The following SYT14 variants were observed in gnomAD, a reference collection of about 807,000 sequenced individuals.
SYT14 encodes the protein synaptotagmin-14.
SYT14 carries 32 observed loss-of-function variants against 74.2 expected under a neutral mutation model. The ratio of observed to expected loss-of-function variants is 0.43; its 90% CI spans 0.33 to 0.58. The LOEUF (loss-of-function observed/expected upper bound fraction) is 0.58, where lower values mean the gene tolerates loss of function less well. Ranked by LOEUF, SYT14 falls within the 20% of genes least tolerant of loss-of-function variation. The pLI, the probability that SYT14 is intolerant of heterozygous loss-of-function variation, is 0.05. For synonymous variants in SYT14, 298 were observed against 337.7 expected, an observed-to-expected ratio of 0.88 and a Z score of 1.29; for missense variants, 791 against 981.8, an observed-to-expected ratio of 0.81 and a Z score of 2.60.
At chr1:210,157,275 C>G (rs2083287268) in intron 8 of SYT14, among the ~76,000 whole-genome samples, 1 of 150,662 alleles carries the variant, frequency 6.6e-6, no homozygotes, top group South Asian at 2.1e-4. Flanking sequence ...GACCCTGACT[C>G]TACAAAAAAT....
At chr1:210,013,419 T>C (rs1174417994) in intron 2 of SYT14, among the ~76,000 whole-genome samples, 1 of 152,226 alleles carries the variant, frequency 6.6e-6, no homozygotes, top group East Asian at 1.9e-4. Context: ...TAAGGAAACT[T>C]AGAAAATTTG....
At chr1:209,956,880 G>A (rs1400871795) in intron 2 of SYT14, among the ~76,000 whole-genome samples, 2 of 152,008 alleles carry the variant, frequency 1.3e-5, no homozygotes, top group Non-Finnish European at 2.9e-5. Context: ...GTTTTGGAGG[G>A]GAAGGGGTTG....
intron 7 of SYT14, among the ~76,000 whole-genome samples, chr1:210,108,679 G>A (rs746250421): frequency 6.9e-4 from 105 of 152,092 alleles, no homozygotes; most frequent in Non-Finnish European, 1.4e-3. Flanking sequence ...AATGTGTTTG[G>A]GATATAAACA....
chr1:210,108,530 AAG>A (rs1332015652), intron 7 of SYT14, among the ~76,000 whole-genome samples: 2 of 152,274 alleles, frequency 1.3e-5, no homozygotes, highest in South Asian at 2.1e-4. Flanking sequence ...AATAGGAAGA[AAG>A]AGAGAACAGT....
At chr1:209,983,274 G>T (rs2079519200) in intron 2 of SYT14, among the ~76,000 whole-genome samples, 1 of 151,614 alleles carries the variant, frequency 6.6e-6, no homozygotes, top group Non-Finnish European at 1.5e-5. Context: ...GTCATTTTTG[G>T]CCATTACTTC....
chr1:210,112,998 T>A (rs552535130), intron 7 of SYT14, among the ~76,000 whole-genome samples: 1 of 150,688 alleles, frequency 6.6e-6, no homozygotes, highest in East Asian at 1.9e-4. Context: ...AGAGAGTGAG[T>A]TGAGCATAGT....
At chr1:209,981,413 A>G (rs868399016) in intron 2 of SYT14, among the ~76,000 whole-genome samples, 5 of 145,878 alleles carry the variant, frequency 3.4e-5, no homozygotes, top group South Asian at 2.2e-4. Context: ...TCTTTGTTGA[A>G]ATTTCTTTTC....
intron 5 of SYT14, among the ~76,000 whole-genome samples, chr1:210,089,468 A>G (rs2081817662): frequency 6.6e-6 from 1 of 152,276 alleles, no homozygotes; most frequent in Admixed American, 6.5e-5. Flanking sequence ...GTCTTCCACA[A>G]TGGTTGAACT....
At chr1:209,966,024 A>G in intron 2 of SYT14, 1 of 423,876 alleles carries the variant, frequency 2.4e-6, no homozygotes, top group Non-Finnish European at 4.7e-6. Flanking sequence ...GTGCGTGCCC[A>G]CCACACCCAG....
intron 5 of SYT14, among the ~76,000 whole-genome samples, chr1:210,049,135 C>T (rs1221125695): frequency 6.6e-6 from 1 of 152,212 alleles, no homozygotes; most frequent in Non-Finnish European, 1.5e-5. Flanking sequence ...GCGGCTTTTC[C>T]AGGCACACTG....
At chr1:210,063,523 T>C in intron 5 of SYT14, among the ~76,000 whole-genome samples, 1 of 151,916 alleles carries the variant, frequency 6.6e-6, no homozygotes, top group Non-Finnish European at 1.5e-5. Flanking sequence ...AGAATAATTC[T>C]GGTGCAATTT....
At chr1:210,117,973 C>T (rs1257879606) in intron 7 of SYT14, among the ~76,000 whole-genome samples, 1 of 152,180 alleles carries the variant, frequency 6.6e-6, no homozygotes, top group African/African-American at 2.4e-5. Context: ...CAGCAACCAA[C>T]AAGTGTGTAT....
intron 2 of SYT14, among the ~76,000 whole-genome samples, chr1:209,969,379 C>T (rs1433398116): frequency 6.6e-6 from 1 of 152,066 alleles, no homozygotes; most frequent in Non-Finnish European, 1.5e-5. Flanking sequence ...ATAAGTGTTC[C>T]CCTTTTTCTG....
At chr1:209,978,232 GT>G (rs2079406801) in intron 2 of SYT14, among the ~76,000 whole-genome samples, 1 of 152,194 alleles carries the variant, frequency 6.6e-6, no homozygotes, top group Non-Finnish European at 1.5e-5. Flanking sequence ...GTCCAGCTTT[GT>G]TCCGTTGCTG....
intron 5 of SYT14, among the ~76,000 whole-genome samples, chr1:210,070,889 CAACAAAGAT>C: frequency 6.8e-6 from 1 of 147,028 alleles, no homozygotes; most frequent in East Asian, 2.1e-4. Context: ...CAGCTCAATT[CAACAAAGAT>C]AGTTGGGTAT....
intron 7 of SYT14, among the ~76,000 whole-genome samples, chr1:210,144,019 G>A (rs2082978487): frequency 2.0e-5 from 3 of 152,034 alleles, no homozygotes; most frequent in Admixed American, 6.6e-5. Flanking sequence ...CCAAGGTCAC[G>A]CAGATGGCAA....
chr1:210,145,625 A>G (rs2083016679), intron 7 of SYT14, among the ~76,000 whole-genome samples: 1 of 152,222 alleles, frequency 6.6e-6, no homozygotes, highest in African/African-American at 2.4e-5. Context: ...AGAAATATTC[A>G]TATAGTGCTG....
chr1:210,058,291 A>C (rs1447695509), intron 5 of SYT14, among the ~76,000 whole-genome samples: 4 of 152,204 alleles, frequency 2.6e-5, no homozygotes, highest in African/African-American at 9.6e-5. Flanking sequence ...CACCATATCA[A>C]ATAAGCAGGA....
At chr1:209,955,474 A>G (rs1450490364) in intron 2 of SYT14, among the ~76,000 whole-genome samples, 1 of 152,046 alleles carries the variant, frequency 6.6e-6, no homozygotes, top group East Asian at 1.9e-4. Context: ...TGCAAAGTAT[A>G]TTTTTTAATT....
Sources: gnomAD v4.1 joint callset for allele counts (sites outside exome capture counted in the v4.1 genomes callset) on GRCh38, gnomAD v4.1.1 for gene constraint, MANE v1.5 for transcripts, NCBI Gene and HGNC (gene_info 2026-07-23, HGNC 2026-07-21) for gene names.